NPHP3: variants seen among roughly 807,000 people sequenced by gnomAD.
NPHP3 encodes nephrocystin 3, also known as nephrocystin-3.
Under a neutral mutation model 171.9 loss-of-function variants are expected in NPHP3, and 123 were observed. That is an observed-to-expected ratio of 0.72 (90% CI 0.62 to 0.83). NPHP3 has a LOEUF of 0.83. Among genes scored for constraint, NPHP3 ranks in the 40% least tolerant of loss-of-function variants. The pLI is 0.00. For missense variants in NPHP3, 1,506 were observed against 1,591.9 expected (o/e 0.95, Z 0.92); for synonymous variants, 558 against 579.2 (o/e 0.96, Z 0.52).
At chr3:132,713,101 T>A in intron 6 of NPHP3, 25 bp downstream of exon 6, 1 of 1,297,600 alleles carries the variant, frequency 7.7e-7, no homozygotes, top group Non-Finnish European at 1.1e-6. Context: ...CTGCTTATAA[T>A]AAATTACATT....
chr3:132,685,060 A>C, intron 23 of NPHP3: 1 of 424,102 alleles, frequency 2.4e-6, no homozygotes, highest in Non-Finnish European at 4.4e-6. Context: ...TTCCAAAACA[A>C]ACTTTTATAC....
intron 1 of NPHP3, 68 bp downstream of exon 1, chr3:132,721,895 T>C: frequency 6.3e-7 from 1 of 1,578,192 alleles, no homozygotes; most frequent in Admixed American, 1.8e-5. Flanking sequence ...GCCGCTTGGT[T>C]TGGAGAGGGA....
In NPHP3 at chr3:132,705,803, G is replaced by C. The variant is rs772421107; in HGVS notation, c.1287C>G (p.His429Gln). The C allele has an allele frequency of 6.6e-7, 1 of 1,505,438 alleles. No homozygotes were observed. The highest frequency in any genetic ancestry group is 9.2e-7 in the Non-Finnish European group (1 of 1,083,088). 93.3% of individuals were successfully genotyped at this position (1,505,438 alleles called of 1,614,324 possible). A position where few individuals can be genotyped will look rare whatever the true frequency, so the allele number is the denominator to read the frequency against. The stretch of plus-strand genomic sequence containing the variant: ...ATACTCCTTCTGCAGGATCTCCTGA[G>C]TGATCAATGATCTAGATAAAAATCA... Reference protein sequence around the residue: ...NKTSKAKIIDHSGDPAEGVYK... With the variant: ...NKTSKAKIIDQSGDPAEGVYK... Residue 429 changes from histidine (H) to glutamine (Q), a missense_variant, in exon 8 of 27, where the codon CAC (histidine) becomes CAG (glutamine). His to Gln is a conservative substitution (Grantham distance 24). Around this residue, in one of 3 missense-constraint regions of NPHP3, gnomAD observed 930 missense variants for 924.9 expected, o/e 1.01. Transcript: ENST00000337331.
chr3:132,700,087 T>A, intron 11 of NPHP3, 26 bp from the exon 12 acceptor site: 1 of 1,613,344 alleles, frequency 6.2e-7, no homozygotes, highest in East Asian at 2.2e-5. Context: ...ACACACAAAC[T>A]GAAGTAGTTA....
chr3:132,690,383 T>C (rs2107969214), intron 19 of NPHP3, 145 bp downstream of exon 19: 4 of 744,764 alleles, frequency 5.4e-6, no homozygotes, highest in Non-Finnish European at 6.5e-6. Flanking sequence ...TAGAGATTTG[T>C]AAATTGTCTC....
Position 132,681,095 on chromosome 3 carries a change from CTAA to C in NPHP3, c.*812_*814del, listed in dbSNP as rs1476330288. ...GTGCAGCAATCAGGGATTCTTGTGA[CTAA>C]TGTGTTTCACTGAAGACAATTTGAA... On this transcript the variant is annotated 3_prime_UTR_variant, in exon 27 of 27. Coordinates refer to ENST00000337331, the MANE Select transcript of NPHP3 (RefSeq NM_153240.5). 1.3e-5 allele frequency: 2 copies of C among 152,156 alleles called. No homozygotes were observed. The highest frequency in any genetic ancestry group is 2.9e-5 in the Non-Finnish European group (2 of 68,040). The allele number at this position is 152,156 out of a possible 1,614,324, so 9.4% of individuals were successfully genotyped here.
At chr3:132,707,249 T>G (rs937745652) in intron 7 of NPHP3, among the ~76,000 whole-genome samples, 15 of 152,146 alleles carry the variant, frequency 9.9e-5, no homozygotes, top group Admixed American at 6.5e-4. Flanking sequence ...AAAGTCACTA[T>G]AAAAAGTCTC....
rs778880818 is a variant in NPHP3 at position 132,691,267 on chromosome 3, A to C, written c.2495T>G (p.Leu832Trp). ...QHLQAWETVR[L>W]EYLEGPTVTS... ...AACAGTGGGGCCTTCCAGGTACTCC[A>C]ATCTCACTGTTTCCCAAGCCTAGGG... The change falls in exon 18 of 27, where the codon TTG becomes TGG. Residue 832 changes from leucine to tryptophan, a missense_variant. This residue lies in a region of NPHP3 where 569 missense variants were observed against 648.1 expected (regional missense o/e 0.88). Coordinates refer to ENST00000337331, the MANE Select transcript of NPHP3 (RefSeq NM_153240.5). The C allele has an allele frequency of 1.2e-6, 2 of 1,612,932 alleles. No individual in the cohort carries two copies. Among genetic ancestry groups the C allele is most frequent in the South Asian group, 2.2e-5 (2 of 91,070 alleles).
At position 132,713,331 on chromosome 3, in the gene NPHP3, A is replaced by T. The variant is rs780760339; in HGVS notation, c.958-45T>A. ...TACAAAAGTTTAATGTATTTAACTA[A>T]AGATCAAGTGAGATTCATACTACTT... On this transcript the variant is annotated intron_variant, in intron 5 of 26. Coordinates refer to ENST00000337331, the MANE Select transcript of NPHP3 (RefSeq NM_153240.5). 6 of 1,357,066 alleles carry T rather than the reference A, an allele frequency of 4.4e-6. No individual in the cohort carries two copies. In the East Asian group the frequency reaches 1.2e-4, roughly 27 times the overall value. 84.1% of individuals were successfully genotyped at this position (1,357,066 alleles called of 1,614,324 possible).
intron 16 of NPHP3, 98 bp downstream of exon 16, chr3:132,694,729 A>G (rs1939400405): frequency 6.9e-7 from 1 of 1,439,104 alleles, no homozygotes; most frequent in Non-Finnish European, 9.6e-7. Flanking sequence ...TGCCTGAAAC[A>G]TATTTAAGCA....
At chr3:132,718,193 T>C (rs1043315958) in intron 3 of NPHP3, 3 of 353,174 alleles carry the variant, frequency 8.5e-6, no homozygotes, top group African/African-American at 4.5e-5. Flanking sequence ...AGAATATACT[T>C]ACAGTTCATT....
rs1384671547 is a variant in NPHP3, at chr3:132,681,713, A to G, written c.*197T>C. 1.7e-6 allele frequency: 1 copy of G among 598,972 alleles called. No homozygotes were observed. The highest frequency in any genetic ancestry group is 2.7e-5 in the Admixed American group (1 of 36,758). The allele number at this position is 598,972 out of a possible 1,614,324, so 37.1% of individuals were successfully genotyped here. ...ATCCTTGGATACCATATAATAGGAA[A>G]ATTCTTTTAAACAACTAAAACAGAC... is the stretch of plus-strand genomic sequence containing the variant. On this transcript the variant is annotated 3_prime_UTR_variant, in exon 27 of 27. Coordinates refer to ENST00000337331, the MANE Select transcript of NPHP3 (RefSeq NM_153240.5).
chr3:132,699,693 C>G (rs1181944744), intron 12 of NPHP3, among the ~76,000 whole-genome samples: 1 of 152,062 alleles, frequency 6.6e-6, no homozygotes, highest in African/African-American at 2.4e-5. Flanking sequence ...AACGAATAGT[C>G]TTTGTTAATT....
chr3:132,686,481 T>C (rs1346699488), intron 22 of NPHP3, 94 bp from the exon 23 acceptor site: 63 of 1,450,902 alleles, frequency 4.3e-5, no homozygotes, highest in Non-Finnish European at 5.8e-5. Context: ...ATCTTCCTTT[T>C]TTCCCATTTA....
At position 132,715,132 on chromosome 3, in the gene NPHP3, G is replaced by T. The variant is rs555765351; in HGVS notation, c.910C>A (p.Leu304Ile). 6.2e-7 allele frequency: 1 copy of T among 1,610,750 alleles called. No homozygotes were observed. Among genetic ancestry groups the T allele is most frequent in the Non-Finnish European group, 8.5e-7 (1 of 1,177,156 alleles). ...GGCTGGGTTTCATCTGTATAAATGA[G>T]GTAACATCTGACAGTGTTACTCCAC... ...SLWSNTVRCY[L>I]IYTDETQPEM... Residue 304 changes from leucine to isoleucine, a missense_variant, in exon 5 of 27, where the codon CTC becomes ATC. Leu to Ile is a conservative substitution (Grantham distance 5, BLOSUM62 2). Around this residue, in one of 3 missense-constraint regions of NPHP3, gnomAD observed 930 missense variants for 924.9 expected, o/e 1.01. Coordinates refer to ENST00000337331, the MANE Select transcript of NPHP3 (RefSeq NM_153240.5).
At position 132,686,295 on chromosome 3, in the gene NPHP3, T is replaced by G. The variant is rs769411387; in HGVS notation, c.3294A>C (p.Glu1098Asp). 54 of 1,613,790 alleles carry G rather than the reference T, an allele frequency of 3.3e-5. No homozygotes were observed. Among genetic ancestry groups the G allele is most frequent in the Non-Finnish European group, 4.5e-5 (53 of 1,179,814 alleles). ...DTPDNARTLN[E>D]LGVLYYLQNN... ...TTTGAAGATAGTAGAGAACACCCAG[T>G]TCATTGAGGGTCCGAGCATTATCAG... Residue 1098 changes from glutamate (E) to aspartate (D), a missense_variant, in exon 23 of 27, where the codon GAA (glutamate) becomes GAC (aspartate). By Grantham distance (45) the Glu-to-Asp change is conservative. Coordinates refer to ENST00000337331, the MANE Select transcript of NPHP3 (RefSeq NM_153240.5).
chr3:132,704,919 A>G (rs902339062), intron 8 of NPHP3, among the ~76,000 whole-genome samples: 1 of 152,214 alleles, frequency 6.6e-6, no homozygotes, highest in Non-Finnish European at 1.5e-5. Flanking sequence ...GTGAAGCTCA[A>G]ATTTGATAAA....
chr3:132,703,810 G>C (rs1484317491), intron 9 of NPHP3, among the ~76,000 whole-genome samples: 1 of 152,028 alleles, frequency 6.6e-6, no homozygotes, highest in African/African-American at 2.4e-5. Context: ...AAACTCCTGG[G>C]CTTAAAGCAA....
chr3:132,709,934 C>G (rs1256383329), intron 6 of NPHP3, among the ~76,000 whole-genome samples: 5 of 152,052 alleles, frequency 3.3e-5, no homozygotes, highest in Non-Finnish European at 7.4e-5. Flanking sequence ...ATTAGAAGAC[C>G]AAACAATGGG....
Sources: allele counts gnomAD v4.1 joint callset (sites outside exome capture counted in the v4.1 genomes callset), GRCh38; gene constraint gnomAD v4.1.1; regional missense constraint gnomAD v4.1.1; transcripts MANE v1.5; gene names NCBI Gene and HGNC (gene_info 2026-07-23, HGNC 2026-07-21).